The following ETV6 variants were observed in gnomAD, a reference collection of about 807,000 sequenced individuals.
The protein encoded by ETV6 is ETS variant transcription factor 6.
Under a neutral mutation model 51.1 loss-of-function variants are expected in ETV6, and 16 were observed. That is an observed-to-expected ratio of 0.31 (90% CI 0.21 to 0.48). ETV6 has a LOEUF of 0.48. Ranked by LOEUF, ETV6 falls within the 20% of genes least tolerant of loss-of-function variation. The pLI, the probability that ETV6 is intolerant of heterozygous loss-of-function variation, is 0.99. For missense variants in ETV6, 458 were observed against 594.8 expected, an observed-to-expected ratio of 0.77 and a Z score of 2.39; for synonymous variants, 240 against 224.1, an observed-to-expected ratio of 1.07 and a Z score of -0.64.
intron 1 of ETV6, among the ~76,000 whole-genome samples, chr12:11,712,340 A>T (rs77245049): frequency 0.024 from 3,715 of 152,310 alleles, 131 homozygotes; most frequent in African/African-American, 0.085. Flanking sequence ...GAGACTTAAG[A>T]TGAAATGACA....
At chr12:11,735,766 T>C (rs1865692699) in intron 1 of ETV6, among the ~76,000 whole-genome samples, 2 of 152,120 alleles carry the variant, frequency 1.3e-5, no homozygotes, top group Non-Finnish European at 2.9e-5. Flanking sequence ...GCCTGGCTAA[T>C]TTTTGGTATT....
At chr12:11,809,135 C>T (rs1158398141) in intron 2 of ETV6, among the ~76,000 whole-genome samples, 3 of 146,488 alleles carry the variant, frequency 2.0e-5, no homozygotes, top group Admixed American at 6.9e-5. Context: ...CACTGCACTC[C>T]AGCCTGGGTG....
chr12:11,839,731 T>G (rs1429211133), intron 3 of ETV6, among the ~76,000 whole-genome samples: 2 of 152,096 alleles, frequency 1.3e-5, no homozygotes, highest in Non-Finnish European at 2.9e-5. Flanking sequence ...ATTTTAAAAA[T>G]TAGCTGAGTG....
intron 4 of ETV6, among the ~76,000 whole-genome samples, chr12:11,856,606 G>T (rs1946636032): frequency 1.3e-5 from 2 of 152,160 alleles, no homozygotes; most frequent in South Asian, 4.1e-4. Flanking sequence ...TGGTGCCCTT[G>T]ATGACAAAGA....
At position 11,780,623 on chromosome 12, in the gene ETV6, C is replaced by T. The variant is rs1040922772; in HGVS notation, c.163+28044C>T. ...TCGGCTGCCAGTGGACACATGAATT[C>T]GTGAGACTAGCACCTCTGCCATAAA... On this transcript the variant is annotated intron_variant, in intron 2 of 7. Coordinates refer to ENST00000396373, the MANE Select transcript of ETV6 (RefSeq NM_001987.5). 7.2e-5 allele frequency among the ~76,000 whole-genome samples: 11 copies of T among 152,164 alleles called. 1 individual carries two copies. The highest frequency in any genetic ancestry group is 2.7e-4 in the African/African-American group (11 of 41,440).
At chr12:11,749,175 C>T (rs556966661) in intron 1 of ETV6, among the ~76,000 whole-genome samples, 3 of 152,162 alleles carry the variant, frequency 2.0e-5, no homozygotes, top group African/African-American at 7.2e-5. Context: ...TTGACCTCCA[C>T]CAGCAGTTTA....
chr12:11,755,775 C>T (rs530541309), intron 2 of ETV6, among the ~76,000 whole-genome samples: 12 of 152,246 alleles, frequency 7.9e-5, no homozygotes, highest in Admixed American at 5.2e-4. Flanking sequence ...AAGACAACAG[C>T]GGGACATTTA....
chr12:11,839,373 C>T, intron 3 of ETV6, 69 bp downstream of exon 3: 9 of 1,457,200 alleles, frequency 6.2e-6, no homozygotes, highest in Non-Finnish European at 7.5e-6. Flanking sequence ...GTCTTTAACA[C>T]CCCTCACCCG....
intron 2 of ETV6, among the ~76,000 whole-genome samples, chr12:11,810,953 T>TA (rs1565534951): frequency 1.3e-5 from 2 of 152,054 alleles, no homozygotes; most frequent in Non-Finnish European, 2.9e-5. Context: ...CTTTTTTTTT[T>TA]AAACACCTCC....
At chr12:11,876,895 C>T (rs986901419) in intron 5 of ETV6, among the ~76,000 whole-genome samples, 2 of 152,230 alleles carry the variant, frequency 1.3e-5, no homozygotes, top group African/African-American at 4.8e-5. Context: ...CCTCTTAGAA[C>T]ACACTTCGCA....
intron 1 of ETV6, among the ~76,000 whole-genome samples, chr12:11,687,121 A>C (rs968731703): frequency 6.6e-6 from 1 of 152,024 alleles, no homozygotes; most frequent in Non-Finnish European, 1.5e-5. Context: ...TCCTGACCTC[A>C]AATGATCTGC....
chr12:11,761,616 G>A (rs1383788037), intron 2 of ETV6, among the ~76,000 whole-genome samples: 1 of 152,232 alleles, frequency 6.6e-6, no homozygotes, highest in Non-Finnish European at 1.5e-5. Context: ...GACGTTTGGT[G>A]CCTTAGTTTA....
At chr12:11,805,893 T>G (rs1009355470) in intron 2 of ETV6, among the ~76,000 whole-genome samples, 18 of 152,238 alleles carry the variant, frequency 1.2e-4, no homozygotes, top group African/African-American at 4.3e-4. Flanking sequence ...CACAGTAATA[T>G]CTACCTCACA....
chr12:11,856,333 T>G (rs1946632732), intron 4 of ETV6, among the ~76,000 whole-genome samples: 1 of 152,190 alleles, frequency 6.6e-6, no homozygotes, highest in African/African-American at 2.4e-5. Context: ...GTCAAGGGTG[T>G]CATTGCCCTG....
intron 1 of ETV6, among the ~76,000 whole-genome samples, chr12:11,669,313 T>G (rs547295606): frequency 1.2e-4 from 18 of 149,768 alleles, no homozygotes; most frequent in Non-Finnish European, 1.8e-4. Context: ...TGGATGGACT[T>G]CTTTCCTTCC....
intron 1 of ETV6, among the ~76,000 whole-genome samples, chr12:11,733,342 A>G (rs1288282395): frequency 7.2e-6 from 1 of 139,082 alleles, no homozygotes; most frequent in African/African-American, 2.7e-5. Flanking sequence ...CGGGAGGCAG[A>G]GCTTGCAGTG....
In ETV6 at chr12:11,869,064, A is replaced by G. The variant is rs2136538129; in HGVS notation, c.464-360A>G. 6.6e-6 allele frequency among the ~76,000 whole-genome samples: 1 copy of G among 152,190 alleles called. No homozygotes were observed. The highest frequency in any genetic ancestry group is 3.4e-3 in the Middle Eastern group (1 of 294). ...ATCCTGGCTAACACGGTGAAACCCC[A>G]TCTCTACTAAAAATAAAAAAAATTA... On this transcript the variant is annotated intron_variant, in intron 4 of 7. Transcript: ENST00000396373. The surrounding 1 kb of genome is among the most constrained non-coding windows in gnomAD (Gnocchi z 5.0).
intron 1 of ETV6, among the ~76,000 whole-genome samples, chr12:11,734,789 A>T (rs991492779): frequency 7.3e-6 from 1 of 137,158 alleles, no homozygotes; most frequent in Non-Finnish European, 1.7e-5. Flanking sequence ...CTATGAAGTC[A>T]CACAGTAAGT....
chr12:11,718,603 TAA>T (rs35535946), intron 1 of ETV6, among the ~76,000 whole-genome samples: 31 of 105,600 alleles, frequency 2.9e-4, no homozygotes, highest in East Asian at 5.3e-4. Flanking sequence ...CCATCGCTAC[TAA>T]AAAAAAAAAA....
Sources: allele counts gnomAD v4.1 joint callset (sites outside exome capture counted in the v4.1 genomes callset), GRCh38; gene constraint gnomAD v4.1.1; non-coding constraint Gnocchi (gnomAD v3.1); transcripts MANE v1.5; gene names NCBI Gene and HGNC (gene_info 2026-07-23, HGNC 2026-07-21).